The following CTDP1 variants were observed in gnomAD, a reference collection of about 807,000 sequenced individuals.
CTDP1 encodes CTD phosphatase 1, also known as RNA polymerase II subunit A C-terminal domain phosphatase.
In CTDP1, 47 loss-of-function variants were observed where a neutral mutation model predicts 91.8. The ratio of observed to expected loss-of-function variants is 0.51; its 90% CI spans 0.41 to 0.65. The LOEUF is 0.65. CTDP1 is among the 30% of genes least tolerant of loss of function. The pLI is 0.00. For synonymous variants in CTDP1, 656 were observed against 598.5 expected, an observed-to-expected ratio of 1.10 and a Z score of -1.40; for missense variants, 1,272 against 1,373.7, an observed-to-expected ratio of 0.93 and a Z score of 1.17.
chr18:79,704,967 C>T, intron 5 of CTDP1, 50 bp downstream of exon 5: 1 of 1,608,598 alleles, frequency 6.2e-7, no homozygotes, highest in Non-Finnish European at 8.5e-7. Context: ...GGTTTCTTTC[C>T]TGTTTTCGGT....
chr18:79,681,510 C>T lies in CTDP1; in HGVS notation c.314+1249C>T. 4.1e-6 allele frequency: 4 copies of T among 985,010 alleles called. No individual in the cohort carries two copies. In the African/African-American group the frequency reaches 5.2e-5, roughly 13 times the overall value. 61.0% of individuals were successfully genotyped at this position (985,010 alleles called of 1,614,324 possible). Reference sequence around the variant, plus strand: ...ATTGTACAGAAAGGGCTGCTTTGGCCTAGACAGGTGAGTAACTTGGTTATG... The same window carrying T: ...ATTGTACAGAAAGGGCTGCTTTGGCTTAGACAGGTGAGTAACTTGGTTATG... On this transcript the variant is annotated intron_variant, in intron 1 of 12. Coordinates refer to ENST00000613122, the MANE Select transcript of CTDP1 (RefSeq NM_004715.5).
intron 2 of CTDP1, among the ~76,000 whole-genome samples, chr18:79,695,608 C>G (rs1238805403): frequency 6.6e-6 from 1 of 152,210 alleles, no homozygotes; most frequent in Non-Finnish European, 1.5e-5. Context: ...AGCAGCCCCT[C>G]CCTCTGGGCC....
intron 11 of CTDP1, among the ~76,000 whole-genome samples, chr18:79,732,326 T>G (rs1163897187): frequency 6.7e-6 from 1 of 149,338 alleles, no homozygotes; most frequent in Non-Finnish European, 1.5e-5. Context: ...ACATGAGAAC[T>G]AACATCAGGA....
At chr18:79,722,327 T>G (rs970997890) in intron 10 of CTDP1, among the ~76,000 whole-genome samples, 2 of 152,226 alleles carry the variant, frequency 1.3e-5, no homozygotes, top group African/African-American at 4.8e-5. Flanking sequence ...CAGTTTCGAA[T>G]GGCACGTCAT....
chr18:79,736,880 G>A (rs536805058), intron 12 of CTDP1, among the ~76,000 whole-genome samples: 2 of 134,378 alleles, frequency 1.5e-5, no homozygotes, highest in African/African-American at 5.4e-5. Flanking sequence ...CTACACGTGC[G>A]CACAGGCGTG....
chr18:79,750,154 G>T (rs2086967473), intron 12 of CTDP1, among the ~76,000 whole-genome samples: 1 of 152,160 alleles, frequency 6.6e-6, no homozygotes, highest in Non-Finnish European at 1.5e-5. Flanking sequence ...TGTGCAGAGG[G>T]GAAGCAGGTG....
At chr18:79,690,178 C>G (rs1370263898) in intron 1 of CTDP1, among the ~76,000 whole-genome samples, 1 of 152,184 alleles carries the variant, frequency 6.6e-6, no homozygotes, top group Non-Finnish European at 1.5e-5. Flanking sequence ...AAGGTTGGAC[C>G]CACCTGGAGG....
chr18:79,704,959 TTTC>T, intron 5 of CTDP1, 42 bp downstream of exon 5: 1 of 1,610,196 alleles, frequency 6.2e-7, no homozygotes, highest in Non-Finnish European at 8.5e-7. Context: ...GAACAGTGGG[TTTC>T]TTTCCTGTTT....
At chr18:79,747,967 G>T (rs1371787437) in intron 12 of CTDP1, among the ~76,000 whole-genome samples, 2 of 152,154 alleles carry the variant, frequency 1.3e-5, no homozygotes, top group Non-Finnish European at 2.9e-5. Context: ...GAAATATGGG[G>T]GTGGGGTATA....
intron 12 of CTDP1, among the ~76,000 whole-genome samples, chr18:79,736,847 GTCTACAGGCGTGTGTGAGGTA>G (rs1599301921): frequency 2.0e-5 from 3 of 150,118 alleles, no homozygotes; most frequent in East Asian, 2.0e-4. Context: ...TGTGTGAGGT[GTCTACAGGCGTGTGTGAGGTA>G]TCTACACGTG....
At chr18:79,737,040 C>T (rs2086684503) in intron 12 of CTDP1, among the ~76,000 whole-genome samples, 1 of 152,304 alleles carries the variant, frequency 6.6e-6, no homozygotes, top group African/African-American at 2.4e-5. Context: ...GATGTGGGTC[C>T]CCCGCCGGTG....
In CTDP1 at chr18:79,736,387, C is replaced by T; in HGVS notation, c.2613C>T (p.Asp871=). 6.5e-7 allele frequency: 1 copy of T among 1,548,834 alleles called. No homozygotes were observed. The highest frequency in any genetic ancestry group is 1.2e-5 in the South Asian group (1 of 83,978). Residue 871 remains aspartate (D), a synonymous_variant, in exon 12 of 13, where the codon GAC becomes GAT. Coordinates refer to ENST00000613122, the MANE Select transcript of CTDP1 (RefSeq NM_004715.5). ...ACATCCTTGGAGAAGGCAGCGACGA[C>T]AGCGACAGCGAGAAGAGGAGGCCTG... ...VDDILGEGSD[D]SDSEKRRPEE...
chr18:79,726,521 A>G (rs1378430005), intron 10 of CTDP1, among the ~76,000 whole-genome samples: 1 of 152,026 alleles, frequency 6.6e-6, no homozygotes, highest in African/African-American at 2.4e-5. Flanking sequence ...TGCTGTGGCA[A>G]GTGATACTGG....
At chr18:79,750,509 C>G in intron 12 of CTDP1, among the ~76,000 whole-genome samples, 1 of 149,988 alleles carries the variant, frequency 6.7e-6, no homozygotes. Context: ...TTTTTTCCCC[C>G]CCGAGACAGA....
At position 79,713,092 on chromosome 18, in the gene CTDP1, T is replaced by C; in HGVS notation, c.984T>C (p.Asp328=). 1 of 1,614,178 alleles carries C rather than the reference T, an allele frequency of 6.2e-7. No individual in the cohort carries two copies. Among genetic ancestry groups the C allele is most frequent in the Non-Finnish European group, 8.5e-7 (1 of 1,180,034 alleles). ...ATGTATACTTCCAGGGCACGGGTGA[T>C]ATGAATGCGCCCCCTGGGTCCCGAG... ...KKYVYFQGTG[D]MNAPPGSRES... is the part of the protein sequence containing the mutation. The change falls in exon 7 of 13, where the codon GAT becomes GAC. Residue 328 remains aspartate (D), a synonymous_variant. Coordinates refer to ENST00000613122, the MANE Select transcript of CTDP1 (RefSeq NM_004715.5). This position sits in a 1 kb window ranked among gnomAD's most constrained non-coding sequence, Gnocchi z 4.7.
At chr18:79,682,558 C>T (rs1048895016) in intron 1 of CTDP1, among the ~76,000 whole-genome samples, 3 of 152,220 alleles carry the variant, frequency 2.0e-5, no homozygotes, top group Non-Finnish European at 2.9e-5. Flanking sequence ...CTTTGGTCTG[C>T]GAGGGCCACC....
Position 79,694,279 on chromosome 18 carries a change from G to A in CTDP1, c.315-946G>A, listed in dbSNP as rs1369818579. On this transcript the variant is annotated intron_variant, in intron 1 of 12. Coordinates refer to ENST00000613122, the MANE Select transcript of CTDP1 (RefSeq NM_004715.5). ...GGGGGCTACAGGCACCTAGGGGTGG[G>A]CGCTGAGTGCTGGGCGGTCTCATGT... Among the ~76,000 whole-genome samples the A allele has an allele frequency of 3.6e-5, 5 of 137,372 alleles. No homozygotes were observed. In the East Asian group the frequency reaches 1.2e-3, roughly 33 times the overall value. 90.1% of individuals were successfully genotyped at this position (137,372 alleles called of 152,430 possible).
At chr18:79,720,192 A>G (rs1182456318) in intron 10 of CTDP1, among the ~76,000 whole-genome samples, 1 of 142,154 alleles carries the variant, frequency 7.0e-6, no homozygotes, top group African/African-American at 2.7e-5. Flanking sequence ...TGACGATGTC[A>G]TCTCCTGTCG....
downstream of CTDP1, chr18:79,756,355 T>TG (rs1804420478): frequency 6.6e-6 from 1 of 152,306 alleles, no homozygotes; most frequent in African/African-American, 2.4e-5. Context: ...CAAACTCTGC[T>TG]GCCCGGCAGG....
Sources: gnomAD v4.1 joint callset for allele counts (sites outside exome capture counted in the v4.1 genomes callset) on GRCh38, gnomAD v4.1.1 for gene constraint, Gnocchi (gnomAD v3.1) non-coding constraint, MANE v1.5 for transcripts, NCBI Gene and HGNC (gene_info 2026-07-23, HGNC 2026-07-21) for gene names.